Variants in GPC5 observed in about 807,000 individuals in gnomAD.
GPC5 encodes the protein glypican-5.
GPC5 carries 47 observed loss-of-function variants against 53.9 expected under a neutral mutation model. The ratio of observed to expected loss-of-function variants is 0.87; its 90% CI spans 0.69 to 1.11. The LOEUF (loss-of-function observed/expected upper bound fraction) is 1.11. GPC5 is among the 50% of genes most tolerant of loss of function. GPC5 has a pLI of 0.00. For synonymous variants in GPC5, 286 were observed against 263.3 expected (o/e 1.09, Z -0.84); for missense variants, 748 against 713.1 (o/e 1.05, Z -0.56).
At chr13:91,470,785 A>G (rs1882573509) in intron 2 of GPC5, among the ~76,000 whole-genome samples, 1 of 152,168 alleles carries the variant, frequency 6.6e-6, no homozygotes, top group African/African-American at 2.4e-5. Context: ...AAGCCTCTGT[A>G]AGAAACTGGA....
At chr13:92,038,375 GATAGA>G (rs1566406883) in intron 6 of GPC5, among the ~76,000 whole-genome samples, 7 of 137,390 alleles carry the variant, frequency 5.1e-5, no homozygotes, top group African/African-American at 1.9e-4. Flanking sequence ...TAGATAGATA[GATAGA>G]TAGGTAGATA....
At chr13:91,859,190 T>G (rs1352198654) in intron 5 of GPC5, among the ~76,000 whole-genome samples, 1 of 151,942 alleles carries the variant, frequency 6.6e-6, no homozygotes, top group Admixed American at 6.6e-5. Context: ...ATACTTATTT[T>G]GCATCTGGTT....
At chr13:92,284,580 G>A in intron 7 of GPC5, among the ~76,000 whole-genome samples, 1 of 152,018 alleles carries the variant, frequency 6.6e-6, no homozygotes, top group Non-Finnish European at 1.5e-5. Context: ...TGCAAGGCTG[G>A]TTCAACATAC....
chr13:91,547,935 C>T (rs937229852), intron 2 of GPC5, among the ~76,000 whole-genome samples: 19 of 151,858 alleles, frequency 1.3e-4, no homozygotes, highest in Non-Finnish European at 2.5e-4. Flanking sequence ...GATTAAAACT[C>T]GAAATAAATT....
intron 7 of GPC5, among the ~76,000 whole-genome samples, chr13:92,799,238 A>G (rs1427341264): frequency 6.6e-6 from 1 of 151,778 alleles, no homozygotes; most frequent in African/African-American, 2.4e-5. Flanking sequence ...TATCCAGAAA[A>G]CATTCCTTTC....
chr13:92,015,519 T>C (rs932321801), intron 6 of GPC5, among the ~76,000 whole-genome samples: 18 of 152,132 alleles, frequency 1.2e-4, no homozygotes, highest in African/African-American at 4.3e-4. Context: ...GGGCATATTG[T>C]AGATACATTT....
At chr13:92,467,616 AC>A (rs1484325981) in intron 7 of GPC5, among the ~76,000 whole-genome samples, 2 of 152,124 alleles carry the variant, frequency 1.3e-5, no homozygotes, top group Non-Finnish European at 2.9e-5. Flanking sequence ...AGGTGAAGAA[AC>A]TGAATCACAT....
intron 7 of GPC5, among the ~76,000 whole-genome samples, chr13:92,669,095 T>A (rs1886664830): frequency 6.6e-6 from 1 of 152,128 alleles, no homozygotes; most frequent in East Asian, 1.9e-4. Flanking sequence ...ACTCCATATA[T>A]GCTCAGTAAG....
At chr13:92,512,214 T>G (rs1880593053) in intron 7 of GPC5, among the ~76,000 whole-genome samples, 2 of 150,000 alleles carry the variant, frequency 1.3e-5, no homozygotes, top group South Asian at 4.3e-4. Flanking sequence ...CTAGTAATTT[T>G]TTTTTATTTT....
chr13:92,042,140 C>T (rs1301994271), intron 6 of GPC5, among the ~76,000 whole-genome samples: 1 of 152,118 alleles, frequency 6.6e-6, no homozygotes, highest in Non-Finnish European at 1.5e-5. Flanking sequence ...GGCTGTGCAC[C>T]AAGCTTAGTA....
intron 5 of GPC5, among the ~76,000 whole-genome samples, chr13:91,838,976 G>GT: frequency 7.4e-6 from 1 of 134,642 alleles, no homozygotes; most frequent in East Asian, 2.5e-4. Flanking sequence ...TATACTCAAG[G>GT]TTTTTGTTAA....
In GPC5 at chr13:92,228,217, G is replaced by A. The variant is rs529335064; in HGVS notation, c.1561+83228G>A. Among the ~76,000 whole-genome samples the A allele has an allele frequency of 7.9e-5, 12 of 151,138 alleles. No individual in the cohort carries two copies. The East Asian group carries it at 1.2e-3, about 15-fold the overall frequency. ...TAACTTTTGTTGAAAAAAAAATCTC[G>A]GTATCAATGAACCCGTGTTGTTCAC... On this transcript the variant is annotated intron_variant, in intron 7 of 7. Coordinates refer to ENST00000377067, the MANE Select transcript of GPC5 (RefSeq NM_004466.6).
intron 7 of GPC5, among the ~76,000 whole-genome samples, chr13:92,832,001 T>C (rs2138822168): frequency 6.6e-6 from 1 of 152,276 alleles, no homozygotes; most frequent in Admixed American, 6.5e-5. Context: ...ATATGTTCTT[T>C]ACTAAAGCAC....
intron 7 of GPC5, among the ~76,000 whole-genome samples, chr13:92,643,855 T>C (rs1026203831): frequency 3.6e-4 from 48 of 135,210 alleles, no homozygotes; most frequent in African/African-American, 1.1e-3. Context: ...TGTGCACATG[T>C]ACCCTAAAAC....
chr13:91,496,245 T>C lies in GPC5; in HGVS notation c.325+47323T>C, dbSNP rs118042024. 3.6e-4 allele frequency among the ~76,000 whole-genome samples: 55 copies of C among 152,298 alleles called. No homozygotes were observed. In the East Asian group the frequency reaches 8.5e-3, roughly 24 times the overall value. On this transcript the variant is annotated intron_variant, in intron 2 of 7. Transcript: ENST00000377067. Reference sequence around the variant, plus strand: ...ATTCAGTAGGTGGCATGTTATTGACTTGAAATTGGGTCTTCTGATTCCCAT... The same window carrying C: ...ATTCAGTAGGTGGCATGTTATTGACCTGAAATTGGGTCTTCTGATTCCCAT...
intron 7 of GPC5, among the ~76,000 whole-genome samples, chr13:92,488,052 A>C (rs984205510): frequency 1.3e-5 from 2 of 152,026 alleles, no homozygotes; most frequent in East Asian, 3.9e-4. Flanking sequence ...TCTTTTCTTC[A>C]TATTCTACCT....
At chr13:92,492,256 G>A (rs1879791838) in intron 7 of GPC5, among the ~76,000 whole-genome samples, 1 of 151,856 alleles carries the variant, frequency 6.6e-6, no homozygotes, top group Non-Finnish European at 1.5e-5. Flanking sequence ...TTTGAATAGA[G>A]TAACACATTA....
At chr13:91,538,654 C>G (rs1886701565) in intron 2 of GPC5, among the ~76,000 whole-genome samples, 1 of 145,858 alleles carries the variant, frequency 6.9e-6, no homozygotes, top group African/African-American at 2.5e-5. Flanking sequence ...ATGATCTTGG[C>G]TCATTGCAAG....
At chr13:91,792,717 A>G (rs779186410) in intron 5 of GPC5, among the ~76,000 whole-genome samples, 9 of 152,224 alleles carry the variant, frequency 5.9e-5, no homozygotes, top group Non-Finnish European at 1.3e-4. Context: ...AGTTCATAGT[A>G]AAACCAGTAA....
Sources: allele counts gnomAD v4.1 joint callset (sites outside exome capture counted in the v4.1 genomes callset), GRCh38; gene constraint gnomAD v4.1.1; transcripts MANE v1.5; gene names NCBI Gene and HGNC (gene_info 2026-07-23, HGNC 2026-07-21).